PIGN: variants seen among roughly 807,000 people sequenced by gnomAD.
PIGN encodes phosphatidylinositol glycan anchor biosynthesis class N, also known as GPI ethanolamine phosphate transferase 1.
PIGN carries 117 observed loss-of-function variants against 125.4 expected under a neutral mutation model. The observed-to-expected ratio is 0.93, with a 90% CI of 0.80 to 1.09. The LOEUF (loss-of-function observed/expected upper bound fraction) is 1.09. PIGN is among the 50% of genes least tolerant of loss of function. The pLI is 0.00. For synonymous variants in PIGN, 392 were observed against 377.8 expected, an observed-to-expected ratio of 1.04 and a Z score of -0.44; for missense variants, 1,075 against 1,094.9, an observed-to-expected ratio of 0.98 and a Z score of 0.26.
At chr18:62,077,880 G>C (rs1380295970) in intron 28 of PIGN, among the ~76,000 whole-genome samples, 2 of 152,190 alleles carry the variant, frequency 1.3e-5, no homozygotes, top group South Asian at 2.1e-4. Context: ...TGTGTGAGCA[G>C]CATCGGTCTT....
Position 62,154,629 on chromosome 18 carries a change from A to T in PIGN, c.465T>A (p.Tyr155Ter), listed in dbSNP as rs1376931989. Residue 155 changes from tyrosine to a stop codon, truncating the protein, a stop_gained, in exon 7 of 31, where the codon TAT becomes TAA. Coordinates refer to ENST00000640252, the MANE Select transcript of PIGN (RefSeq NM_176787.5). LOFTEE classifies it high-confidence loss of function. ...FAKGASGDHV[Y>*]TYSYDAKRED... ...CTCTTTTAGCATCATAACTATATGTATAAACGTGGTCTCCACTAGCACCTG... is the reference window on the plus strand; with the variant it reads ...CTCTTTTAGCATCATAACTATATGTTTAAACGTGGTCTCCACTAGCACCTG... 3 of 1,559,246 alleles carry T rather than the reference A, an allele frequency of 1.9e-6. No homozygotes were observed. The African/African-American group carries it at 4.1e-5, about 21-fold the overall frequency.
chr18:62,173,772 T>C (rs1599689155), intron 1 of PIGN, among the ~76,000 whole-genome samples: 1 of 152,178 alleles, frequency 6.6e-6, no homozygotes, highest in East Asian at 1.9e-4. Context: ...TTAAACATTA[T>C]GAAATAAGAA....
chr18:62,062,974 G>C (rs1040099210), intron 30 of PIGN, among the ~76,000 whole-genome samples: 1 of 145,336 alleles, frequency 6.9e-6, no homozygotes, highest in Admixed American at 7.0e-5. Context: ...GAATGTTAAG[G>C]ATAAGGCTGG....
At chr18:62,096,516 C>CTTTTTTTTTTTTTTTTTTTT (rs398033140) in intron 22 of PIGN, among the ~76,000 whole-genome samples, 5 of 85,668 alleles carry the variant, frequency 5.8e-5, no homozygotes, top group African/African-American at 1.6e-4. Context: ...GAATTATTTT[C>CTTTTTTTTTTTTTTTTTTTT]TTTTTTTTTT....
intron 2 of PIGN, 190 bp from the exon 3 acceptor site, chr18:62,162,519 A>G (rs567749424): frequency 1.6e-4 from 24 of 152,284 alleles, no homozygotes; most frequent in African/African-American, 4.8e-4. Context: ...TAACCTTGCA[A>G]AAACAAATGA....
intron 10 of PIGN, among the ~76,000 whole-genome samples, chr18:62,145,575 G>A (rs775978187): frequency 9.2e-5 from 14 of 152,146 alleles, no homozygotes; most frequent in Non-Finnish European, 1.9e-4. Flanking sequence ...TTACCTCTAT[G>A]AAACCTTAAA....
At chr18:62,057,205 C>T (rs2031794278) in intron 30 of PIGN, among the ~76,000 whole-genome samples, 1 of 152,130 alleles carries the variant, frequency 6.6e-6, no homozygotes, top group African/African-American at 2.4e-5. Flanking sequence ...TCTAACTCTC[C>T]CAAGATCCCA....
chr18:62,095,632 C>T, intron 23 of PIGN, among the ~76,000 whole-genome samples: 1 of 152,072 alleles, frequency 6.6e-6, no homozygotes, highest in South Asian at 2.1e-4. Flanking sequence ...AAGACAAAGA[C>T]AGCAAGCAAT....
At chr18:62,133,828 A>AT (rs2035828103) in intron 14 of PIGN, among the ~76,000 whole-genome samples, 1 of 152,202 alleles carries the variant, frequency 6.6e-6, no homozygotes, top group African/African-American at 2.4e-5. Flanking sequence ...ATATGCACAT[A>AT]TTTTTTAAAA....
At position 62,126,845 on chromosome 18, in the gene PIGN, T is replaced by C. The variant is rs553779550; in HGVS notation, c.1172+11398A>G. Among the ~76,000 whole-genome samples the C allele has an allele frequency of 3.3e-5, 5 of 152,310 alleles. No individual in the cohort carries two copies. In the East Asian group the frequency reaches 9.6e-4, roughly 29 times the overall value. ...AAACTCAGCAGATCCACAACTGAACTTGACCCTCATCCTATGAGCAGCAGT... is the reference window on the plus strand; with the variant it reads ...AAACTCAGCAGATCCACAACTGAACCTGACCCTCATCCTATGAGCAGCAGT... On this transcript the variant is annotated intron_variant, in intron 14 of 30. Transcript: ENST00000640252.
intron 14 of PIGN, among the ~76,000 whole-genome samples, chr18:62,116,829 G>A (rs1366103388): frequency 6.6e-6 from 1 of 151,976 alleles, no homozygotes; most frequent in Non-Finnish European, 1.5e-5. Context: ...GTTGCCATTT[G>A]TAATGTACCT....
chr18:62,069,993 C>T (rs967586431), intron 30 of PIGN: 3 of 156,060 alleles, frequency 1.9e-5, no homozygotes, highest in African/African-American at 7.2e-5. Context: ...AAAGGTATGC[C>T]AAATGCAAGA....
At chr18:62,048,555 A>G (rs1180205765) in intron 30 of PIGN, among the ~76,000 whole-genome samples, 1 of 152,070 alleles carries the variant, frequency 6.6e-6, no homozygotes, top group East Asian at 1.9e-4. Flanking sequence ...TGAAAGAAAA[A>G]TAACTGTCAA....
chr18:62,025,315 A>G (rs1448986010), intron 23 of PIGN, among the ~76,000 whole-genome samples: 3 of 152,222 alleles, frequency 2.0e-5, no homozygotes, highest in Non-Finnish European at 2.9e-5. Context: ...AAAAGCCAGT[A>G]TATTTGTTAG....
intron 10 of PIGN, among the ~76,000 whole-genome samples, chr18:62,144,666 G>C (rs1025744367): frequency 1.3e-5 from 2 of 152,168 alleles, no homozygotes; most frequent in African/African-American, 4.8e-5. Flanking sequence ...AATGTATCCT[G>C]CTCCATAAGG....
At chr18:62,091,043 T>C (rs913098184) in intron 23 of PIGN, among the ~76,000 whole-genome samples, 3 of 152,152 alleles carry the variant, frequency 2.0e-5, no homozygotes, top group African/African-American at 7.2e-5. Flanking sequence ...TATATCATAT[T>C]TGCCAATATT....
At chr18:62,171,939 C>T (rs961015374) in intron 1 of PIGN, among the ~76,000 whole-genome samples, 1 of 152,042 alleles carries the variant, frequency 6.6e-6, no homozygotes, top group Non-Finnish European at 1.5e-5. Context: ...TTTCTTATAT[C>T]TTTCTGTGGT....
At chr18:62,053,060 C>T (rs1332851212) in intron 30 of PIGN, 4 of 291,734 alleles carry the variant, frequency 1.4e-5, no homozygotes, top group Non-Finnish European at 2.5e-5. Context: ...TTTCCTTGTC[C>T]TCTTAAGTTT....
At position 62,088,858 on chromosome 18, in the gene PIGN, A is replaced by G; in HGVS notation, c.2284-16T>C. 7.2e-7 allele frequency: 1 copy of G among 1,384,406 alleles called. No individual in the cohort carries two copies. The highest frequency in any genetic ancestry group is 1.0e-6 in the Non-Finnish European group (1 of 995,564). The allele number at this position is 1,384,406 out of a possible 1,614,324, so 85.8% of individuals were successfully genotyped here. ...TACTGGTGAGCTGTGAGATAATAAG[A>G]AAAATATTAATGCACAATAACAGTT... On this transcript the variant is annotated splice_polypyrimidine_tract_variant and intron_variant, in intron 24 of 30. Coordinates refer to ENST00000640252, the MANE Select transcript of PIGN (RefSeq NM_176787.5).
Sources: gnomAD v4.1 joint callset for allele counts (sites outside exome capture counted in the v4.1 genomes callset) on GRCh38, gnomAD v4.1.1 for gene constraint, MANE v1.5 for transcripts, NCBI Gene and HGNC (gene_info 2026-07-23, HGNC 2026-07-21) for gene names.